Variants in CPT1C observed in about 807,000 individuals in gnomAD.
CPT1C encodes the protein palmitoyl thioesterase CPT1C.
CPT1C carries 61 observed loss-of-function variants against 97.3 expected under a neutral mutation model. The observed-to-expected ratio is 0.63, with a 90% CI of 0.51 to 0.78. The LOEUF is 0.78. Among genes scored for constraint, CPT1C ranks in the 30% least tolerant of loss-of-function variants. The pLI, the probability that CPT1C is intolerant of heterozygous loss-of-function variation, is 0.00. For missense variants in CPT1C, 975 were observed against 1,065.5 expected, an observed-to-expected ratio of 0.92 and a Z score of 1.18; for synonymous variants, 469 against 447.2, an observed-to-expected ratio of 1.05 and a Z score of -0.61.
chr19:49,696,456 C>CTT (rs66983115), intron 3 of CPT1C: 15 of 111,650 alleles, frequency 1.3e-4, no homozygotes, highest in East Asian at 5.0e-4. Context: ...CTTTTCTTTT[C>CTT]TTTTTTTTTT....
chr19:49,702,446 C>T (rs761219701), intron 7 of CPT1C, among the ~76,000 whole-genome samples: 1 of 150,804 alleles, frequency 6.6e-6, no homozygotes, highest in African/African-American at 2.4e-5. Context: ...GGTGAAACCC[C>T]GTCTCTACTA....
intron 17 of CPT1C, chr19:49,712,517 C>A (rs1006924002): frequency 4.8e-5 from 27 of 567,208 alleles, no homozygotes; most frequent in Non-Finnish European, 5.1e-5. Context: ...AGAGGAGGGG[C>A]GTGGTCCGAG....
intron 7 of CPT1C, among the ~76,000 whole-genome samples, chr19:49,704,476 T>C (rs2083388083): frequency 6.6e-6 from 1 of 152,198 alleles, no homozygotes; most frequent in African/African-American, 2.4e-5. Context: ...CAGCTGTACC[T>C]TGTTATTTCC....
chr19:49,703,226 T>C (rs937451677), intron 7 of CPT1C, among the ~76,000 whole-genome samples: 2 of 151,234 alleles, frequency 1.3e-5, no homozygotes, highest in African/African-American at 4.9e-5. Flanking sequence ...CTTTTTTTCT[T>C]TGAGATGGAG....
chr19:49,713,653 G>A lies in CPT1C; in HGVS notation c.*48G>A. The A allele has an allele frequency of 6.5e-7, 1 of 1,546,354 alleles. No individual in the cohort carries two copies. The highest frequency in any genetic ancestry group is 1.2e-5 in the South Asian group (1 of 81,228). ...CTCTCCAAGGAATAAGGGTGAAATTGCCACAGCTGGCTGACACAGGACAGG... is the reference window on the plus strand; with the variant it reads ...CTCTCCAAGGAATAAGGGTGAAATTACCACAGCTGGCTGACACAGGACAGG... On this transcript the variant is annotated 3_prime_UTR_variant, in exon 20 of 20. Coordinates refer to ENST00000598293, the MANE Select transcript of CPT1C (RefSeq NM_001199753.2).
chr19:49,701,627 C>T lies in CPT1C; in HGVS notation c.686C>T (p.Ser229Phe). The change falls in exon 7 of 20, where the codon TCC (serine) becomes TTC (phenylalanine). Residue 229 changes from serine to phenylalanine, a missense_variant. Around this residue, in one of 3 missense-constraint regions of CPT1C, gnomAD observed 596 missense variants for 603.1 expected, o/e 0.99. Coordinates refer to ENST00000598293, the MANE Select transcript of CPT1C (RefSeq NM_001199753.2). ...CTGCGGCTCAAGTCCTGGTGGGCGT[C>T]CAATTATGTGAGTCCCGCCACCGCC... Reference protein sequence around the residue: ...WYLRLKSWWASNYVSDWWEEF... With the variant: ...WYLRLKSWWAFNYVSDWWEEF... 1 of 1,601,580 alleles carries T rather than the reference C, an allele frequency of 6.2e-7. No individual in the cohort carries two copies. Among genetic ancestry groups the T allele is most frequent in the Non-Finnish European group, 8.5e-7 (1 of 1,171,688 alleles).
chr19:49,705,429 CCT>C (rs1302643353), intron 10 of CPT1C, 131 bp downstream of exon 10: 1 of 725,640 alleles, frequency 1.4e-6, no homozygotes, highest in East Asian at 2.7e-5. Context: ...ACGTTATTAC[CCT>C]CTCTGAGCCT....
intron 16 of CPT1C, 179 bp from the exon 17 acceptor site, chr19:49,711,630 T>C (rs2083893314): frequency 1.5e-6 from 1 of 672,536 alleles, no homozygotes; most frequent in African/African-American, 1.8e-5. Context: ...TCCCTGGCTG[T>C]GTGAACCTGG....
chr19:49,692,360 G>A lies in CPT1C; in HGVS notation c.108G>A (p.Leu36=). 1 of 1,614,134 alleles carries A rather than the reference G, an allele frequency of 6.2e-7. No individual in the cohort carries two copies. ...TGCAGGAGATCTACCTCTCTGGCCT[G>A]CGCTCCTGGAAAAGGCATCTCTCAC... ...PVLQEIYLSG[L]RSWKRHLSRF... The change falls in exon 3 of 20, where the codon CTG becomes CTA. Residue 36 remains leucine, a synonymous_variant. Transcript: ENST00000598293.
chr19:49,711,888 G>A lies in CPT1C; in HGVS notation c.1946G>A (p.Gly649Glu). Residue 649 changes from glycine (G) to glutamate (E), a missense_variant, in exon 17 of 20, where the codon GGA (glycine) becomes GAA (glutamate). Physicochemically the swap from Gly to Glu is moderately conservative, Grantham distance 98 (BLOSUM62 -2). Around this residue, in one of 3 missense-constraint regions of CPT1C, gnomAD observed 344 missense variants for 395.7 expected, o/e 0.87. Coordinates refer to ENST00000598293, the MANE Select transcript of CPT1C (RefSeq NM_001199753.2). ...ALLKAAMSGQ[G>E]VDRHLFALYI... ...CTGAAGGCAGCCATGAGCGGGCAGG[G>A]AGTTGACCGCCACCTGTTTGCGCTG... 1.9e-6 allele frequency: 3 copies of A among 1,614,154 alleles called. No homozygotes were observed. Among genetic ancestry groups the A allele is most frequent in the Non-Finnish European group, 2.5e-6 (3 of 1,180,042 alleles).
chr19:49,701,050 TCTCTCTGTGTCTCC>T (rs2083004897), intron 5 of CPT1C, among the ~76,000 whole-genome samples, 195 bp downstream of exon 5: 1 of 102,970 alleles, frequency 9.7e-6, no homozygotes, highest in Non-Finnish European at 1.8e-5. Flanking sequence ...TGTCCCCCTC[TCTCTCTGTGTCTCC>T]GTCCCCCCCT....
rs770799285 is a variant in CPT1C, at chr19:49,706,336, G to A, written c.1266G>A (p.Ala422=). 1.5e-5 allele frequency: 23 copies of A among 1,523,668 alleles called. No individual in the cohort carries two copies. Among genetic ancestry groups the A allele is most frequent in the East Asian group, 7.5e-5 (3 of 39,984 alleles). The allele number at this position is 1,523,668 out of a possible 1,614,324, so 94.4% of individuals were successfully genotyped here. A position where few individuals can be genotyped will look rare whatever the true frequency, so the allele number is the denominator to read the frequency against. Residue 422 remains alanine (A), a synonymous_variant, in exon 12 of 20, where the codon GCG becomes GCA. Transcript: ENST00000598293. The surrounding 1 kb of genome is among the most constrained non-coding windows in gnomAD (Gnocchi z 4.8). ...AFFVSLDAEP[A]GLTREDPAAS... ...TTGTGTCACTGGATGCTGAGCCCGC[G>A]GGGCTCACCAGGGAGGACCCGGCAG...
chr19:49,700,089 TAAC>T (rs2082913744), intron 4 of CPT1C, among the ~76,000 whole-genome samples: 1 of 149,732 alleles, frequency 6.7e-6, no homozygotes, highest in African/African-American at 2.5e-5. Context: ...CTACTAAAAA[TAAC>T]AACAAATAGC....
At chr19:49,708,914 T>G in intron 14 of CPT1C, 75 bp downstream of exon 14, 1 of 931,750 alleles carries the variant, frequency 1.1e-6, no homozygotes, top group South Asian at 1.4e-5. Flanking sequence ...TCCCCACCCC[T>G]AATCTGAACG....
At chr19:49,696,295 T>C (rs1318515138) in intron 3 of CPT1C, among the ~76,000 whole-genome samples, 1 of 151,982 alleles carries the variant, frequency 6.6e-6, no homozygotes, top group Admixed American at 6.5e-5. Context: ...AAGTGCTCAT[T>C]AAACGTTAGT....
chr19:49,706,555 C>T lies in CPT1C; in HGVS notation c.1343+142C>T, dbSNP rs1028204630. ...ACCAGGGGCTGCATAGAGCTGAGGACCCCAGACCCAGTGCTTTGGGACCTG... is the reference window on the plus strand; with the variant it reads ...ACCAGGGGCTGCATAGAGCTGAGGATCCCAGACCCAGTGCTTTGGGACCTG... On this transcript the variant is annotated intron_variant, in intron 12 of 19. Transcript: ENST00000598293. The surrounding 1 kb of genome is among the most constrained non-coding windows in gnomAD (Gnocchi z 4.8). 1.4e-6 allele frequency: 1 copy of T among 703,590 alleles called. No individual in the cohort carries two copies. The highest frequency in any genetic ancestry group is 4.3e-5 in the Admixed American group (1 of 23,340). The allele number at this position is 703,590 out of a possible 1,614,324, so 43.6% of individuals were successfully genotyped here. A position where few individuals can be genotyped will look rare whatever the true frequency, so the allele number is the denominator to read the frequency against.
In CPT1C at chr19:49,705,034, C is replaced by T. The variant is rs367605898; in HGVS notation, c.799C>T (p.Leu267=). 1.0e-5 allele frequency: 16 copies of T among 1,607,952 alleles called. No homozygotes were observed. Among genetic ancestry groups the T allele is most frequent in the Non-Finnish European group, 1.4e-5 (16 of 1,175,806 alleles). ...CTTCCTGTATGTCACACCCACGCCT[C>T]TGCAGGCAGCTCGCGCTGGGAATGC... ...MDFLYVTPTP[L]QAARAGNAVH... The change falls in exon 9 of 20, where the codon CTG becomes TTG. Residue 267 remains leucine, a synonymous_variant. Transcript: ENST00000598293.
intron 7 of CPT1C, 55 bp downstream of exon 7, chr19:49,701,689 C>A: frequency 6.6e-7 from 1 of 1,517,224 alleles, no homozygotes; most frequent in South Asian, 1.2e-5. Context: ...GTTGTGAGCT[C>A]GCCTGCTAAA....
chr19:49,711,452 T>G, intron 16 of CPT1C: 1 of 230,476 alleles, frequency 4.3e-6, no homozygotes. Flanking sequence ...AACCTCTTTG[T>G]GACTTGTGAC....
Sources: allele counts gnomAD v4.1 joint callset (sites outside exome capture counted in the v4.1 genomes callset), GRCh38; gene constraint gnomAD v4.1.1; regional missense constraint gnomAD v4.1.1; non-coding constraint Gnocchi (gnomAD v3.1); transcripts MANE v1.5; gene names NCBI Gene and HGNC (gene_info 2026-07-23, HGNC 2026-07-21).